THSD7B: variants seen among roughly 807,000 people sequenced by gnomAD.
THSD7B encodes the protein thrombospondin type 1 domain containing 7B.
Under a neutral mutation model 213.6 loss-of-function variants are expected in THSD7B, and 138 were observed. The ratio of observed to expected loss-of-function variants is 0.65; its 90% CI spans 0.56 to 0.74. THSD7B has a LOEUF of 0.74. Among genes scored for constraint, THSD7B ranks in the 30% least tolerant of loss-of-function variants. THSD7B has a pLI of 0.00. For missense variants in THSD7B, 1,931 were observed against 1,991.5 expected (o/e 0.97, Z 0.58); for synonymous variants, 742 against 687.0 (o/e 1.08, Z -1.25).
chr2:137,535,580 G>T (rs1400177638), intron 15 of THSD7B, among the ~76,000 whole-genome samples: 1 of 151,706 alleles, frequency 6.6e-6, no homozygotes, highest in East Asian at 1.9e-4. Context: ...TTACTAAGAG[G>T]TAATTATTCA....
intron 1 of THSD7B, among the ~76,000 whole-genome samples, chr2:136,878,151 A>G (rs942808563): frequency 6.6e-6 from 1 of 152,074 alleles, no homozygotes; most frequent in Admixed American, 6.5e-5. Flanking sequence ...ATTCCCACCT[A>G]TGAATGAGAA....
chr2:137,026,086 G>T (rs914852884), intron 2 of THSD7B, among the ~76,000 whole-genome samples: 6 of 152,094 alleles, frequency 3.9e-5, no homozygotes, highest in Non-Finnish European at 7.4e-5. Flanking sequence ...ATTAAAAGAT[G>T]AACTATCCTC....
At chr2:137,590,631 A>C (rs1681842789) in intron 17 of THSD7B, among the ~76,000 whole-genome samples, 1 of 152,040 alleles carries the variant, frequency 6.6e-6, no homozygotes, top group African/African-American at 2.4e-5. Context: ...ACTGTATAGT[A>C]TTTTTCAAAG....
intron 14 of THSD7B, among the ~76,000 whole-genome samples, chr2:137,444,194 T>C (rs891824215): frequency 1.3e-5 from 2 of 152,040 alleles, no homozygotes; most frequent in Non-Finnish European, 2.9e-5. Context: ...TATGAGAGTA[T>C]GCAACTTCTT....
chr2:137,479,182 G>A (rs982303044), intron 15 of THSD7B, among the ~76,000 whole-genome samples: 2 of 152,224 alleles, frequency 1.3e-5, no homozygotes, highest in African/African-American at 4.8e-5. Context: ...ACTAGTGTTA[G>A]TGGTGGCTGC....
intron 15 of THSD7B, among the ~76,000 whole-genome samples, chr2:137,506,423 A>T (rs1679835804): frequency 6.6e-6 from 1 of 152,232 alleles, no homozygotes; most frequent in Non-Finnish European, 1.5e-5. Flanking sequence ...ACGTTCCTGA[A>T]TAAAAACTGA....
rs116408972 is a variant in THSD7B at position 137,452,815 on chromosome 2, G to T, written c.3138+1792G>T. Among the ~76,000 whole-genome samples, 646 of 152,246 alleles carry T rather than the reference G, an allele frequency of 4.2e-3. 6 individuals carry two copies. Among genetic ancestry groups the T allele is most frequent in the African/African-American group, 0.015 (610 of 41,550 alleles). ...GAAGGGATGACATGACAGTATTTGG[G>T]TGCCTGTTGTGACTTAAAGGAAACT... On this transcript the variant is annotated intron_variant, in intron 15 of 27. Coordinates refer to ENST00000409968, the MANE Select transcript of THSD7B (RefSeq NM_001316349.2).
intron 2 of THSD7B, among the ~76,000 whole-genome samples, chr2:137,055,248 G>T (rs964618904): frequency 6.6e-6 from 1 of 152,206 alleles, no homozygotes; most frequent in African/African-American, 2.4e-5. Flanking sequence ...ACATACGTGT[G>T]CATGTGTCTT....
chr2:137,515,321 G>A (rs1680047425), intron 15 of THSD7B, among the ~76,000 whole-genome samples: 1 of 152,076 alleles, frequency 6.6e-6, no homozygotes, highest in Non-Finnish European at 1.5e-5. Context: ...TTCCACCTTT[G>A]TCTGAAGTGA....
chr2:136,998,909 G>GACACAAACACACACACACACACACACAC (rs1295053031), intron 2 of THSD7B, among the ~76,000 whole-genome samples: 1 of 129,898 alleles, frequency 7.7e-6, no homozygotes, highest in African/African-American at 2.8e-5. Flanking sequence ...ATACCCAACA[G>GACACAAACACACACACACACACACACAC]ACACACACAC....
intron 12 of THSD7B, among the ~76,000 whole-genome samples, chr2:137,352,897 A>G (rs576329456): frequency 1.3e-5 from 2 of 152,032 alleles, no homozygotes; most frequent in East Asian, 1.9e-4. Context: ...AGCCATACAT[A>G]TATTATATAT....
At chr2:136,879,762 A>G (rs559058022) in intron 1 of THSD7B, among the ~76,000 whole-genome samples, 2 of 152,254 alleles carry the variant, frequency 1.3e-5, no homozygotes, top group Admixed American at 1.3e-4. Context: ...AAATAAAGGG[A>G]TGAAGGAAGA....
At chr2:136,971,433 T>G (rs758809660) in intron 2 of THSD7B, among the ~76,000 whole-genome samples, 5 of 152,040 alleles carry the variant, frequency 3.3e-5, no homozygotes, top group Non-Finnish European at 7.4e-5. Flanking sequence ...AAAATTGCAT[T>G]GAAATGTTGC....
At chr2:136,822,242 C>A (rs775857118) in intron 1 of THSD7B, among the ~76,000 whole-genome samples, 17 of 152,252 alleles carry the variant, frequency 1.1e-4, no homozygotes, top group Non-Finnish European at 1.9e-4. Flanking sequence ...TCTGAGACCC[C>A]ATCCAGACCG....
At chr2:137,542,840 G>T (rs1285483019) in intron 15 of THSD7B, among the ~76,000 whole-genome samples, 5 of 151,740 alleles carry the variant, frequency 3.3e-5, no homozygotes, top group Non-Finnish European at 7.4e-5. Flanking sequence ...CAATAGAAGT[G>T]AGAGCCTGAA....
Position 137,411,806 on chromosome 2 carries a change from T to G in THSD7B, c.2893T>G (p.Phe965Val). The G allele has an allele frequency of 6.2e-7, 1 of 1,613,956 alleles. No individual in the cohort carries two copies. The highest frequency in any genetic ancestry group is 1.7e-5 in the Admixed American group (1 of 60,008). ...CAAAGAATGTGGAGAAGGCCTGCGC[T>G]TTCGAGCAGTAGCCTGTTCTGATAA... ...DSKECGEGLR[F>V]RAVACSDKNG... The change falls in exon 14 of 28, where the codon TTT (phenylalanine) becomes GTT (valine). Residue 965 changes from phenylalanine (F) to valine (V), a missense_variant. By Grantham distance (50) the Phe-to-Val change is conservative. Transcript: ENST00000409968.
At chr2:136,951,273 T>C (rs1330776555) in intron 2 of THSD7B, among the ~76,000 whole-genome samples, 1 of 152,194 alleles carries the variant, frequency 6.6e-6, no homozygotes, top group Non-Finnish European at 1.5e-5. Context: ...TTTTCCTCTC[T>C]CTCCCTTCCT....
At chr2:136,932,229 AAAGAT>A (rs1684643539) in intron 2 of THSD7B, among the ~76,000 whole-genome samples, 1 of 152,246 alleles carries the variant, frequency 6.6e-6, no homozygotes, top group African/African-American at 2.4e-5. Context: ...TGGAAAGAGG[AAAGAT>A]AAGAAGAAGA....
intron 2 of THSD7B, among the ~76,000 whole-genome samples, chr2:137,041,801 A>G (rs562226317): frequency 3.2e-4 from 49 of 152,248 alleles, no homozygotes; most frequent in Middle Eastern, 6.8e-3. Flanking sequence ...ATTGGAAGCA[A>G]TGATTATATT....
Sources: gnomAD v4.1 joint callset for allele counts (sites outside exome capture counted in the v4.1 genomes callset) on GRCh38, gnomAD v4.1.1 for gene constraint, MANE v1.5 for transcripts, NCBI Gene and HGNC (gene_info 2026-07-23, HGNC 2026-07-21) for gene names.